Variants in MEGF11 observed in about 807,000 individuals in gnomAD.
MEGF11 encodes the protein multiple epidermal growth factor-like domains protein 11.
MEGF11 carries 126 observed loss-of-function variants against 146.6 expected under a neutral mutation model. That is an observed-to-expected ratio of 0.86 (90% CI 0.74 to 1.00). The LOEUF (loss-of-function observed/expected upper bound fraction) is 1.00, where lower values mean the gene tolerates loss of function less well. Among genes scored for constraint, MEGF11 ranks in the 50% least tolerant of loss-of-function variants. The pLI, the probability that MEGF11 is intolerant of heterozygous loss-of-function variation, is 0.00. For synonymous variants in MEGF11, 532 were observed against 583.4 expected (o/e 0.91, Z 1.27); for missense variants, 1,509 against 1,521.2 (o/e 0.99, Z 0.13).
At chr15:65,963,368 A>G (rs2080936828) in intron 9 of MEGF11, among the ~76,000 whole-genome samples, 1 of 151,244 alleles carries the variant, frequency 6.6e-6, no homozygotes, top group Non-Finnish European at 1.5e-5. Context: ...CCTGGGTCAC[A>G]GTTACTTGGG....
intron 5 of MEGF11, among the ~76,000 whole-genome samples, chr15:66,005,659 C>T (rs1045725556): frequency 1.2e-4 from 19 of 152,102 alleles, no homozygotes; most frequent in Admixed American, 8.5e-4. Context: ...GCAAGCATCA[C>T]GGACTTTCAG....
chr15:66,029,612 C>T (rs1335863916), intron 5 of MEGF11, among the ~76,000 whole-genome samples: 2 of 152,156 alleles, frequency 1.3e-5, no homozygotes, highest in East Asian at 1.9e-4. Context: ...TGGGGTCTTT[C>T]CCCTGAGGGG....
intron 13 of MEGF11, among the ~76,000 whole-genome samples, chr15:65,926,287 C>T (rs2079369709): frequency 6.6e-6 from 1 of 152,242 alleles, no homozygotes; most frequent in Non-Finnish European, 1.5e-5. Context: ...CAGACAACTC[C>T]TTTTCCTTAT....
At chr15:66,046,552 C>T (rs1403349194) in intron 5 of MEGF11, among the ~76,000 whole-genome samples, 1 of 152,244 alleles carries the variant, frequency 6.6e-6, no homozygotes, top group African/African-American at 2.4e-5. Flanking sequence ...TCTGCAGCTG[C>T]TGCAGGCTGA....
chr15:66,224,488 G>A (rs2091804476), intron 1 of MEGF11, among the ~76,000 whole-genome samples: 1 of 151,810 alleles, frequency 6.6e-6, no homozygotes, highest in African/African-American at 2.4e-5. Flanking sequence ...GGAGGCTGAG[G>A]CAAGAGAATC....
chr15:66,114,071 C>A (rs544688287), intron 4 of MEGF11, among the ~76,000 whole-genome samples: 14 of 152,154 alleles, frequency 9.2e-5, no homozygotes, highest in Non-Finnish European at 1.9e-4. Context: ...TCTGGTTCGG[C>A]AGCTCACGTT....
At chr15:66,124,103 G>T in intron 2 of MEGF11, 103 bp from the exon 3 acceptor site, 1 of 908,712 alleles carries the variant, frequency 1.1e-6, no homozygotes, top group Non-Finnish European at 1.8e-6. Flanking sequence ...AAGCTCCACA[G>T]CCAAGTGTCC....
chr15:65,962,932 T>C (rs553901523), intron 9 of MEGF11, among the ~76,000 whole-genome samples: 1 of 152,208 alleles, frequency 6.6e-6, no homozygotes, highest in African/African-American at 2.4e-5. Context: ...TAATCATCAA[T>C]ATTGGATGGG....
chr15:66,222,404 G>T (rs1597159962), intron 1 of MEGF11, among the ~76,000 whole-genome samples: 1 of 152,134 alleles, frequency 6.6e-6, no homozygotes, highest in African/African-American at 2.4e-5. Context: ...CTTCCTTGAC[G>T]CCTGGTCAGA....
intron 5 of MEGF11, among the ~76,000 whole-genome samples, chr15:65,997,088 G>A (rs1013283571): frequency 1.3e-5 from 2 of 152,222 alleles, no homozygotes; most frequent in Admixed American, 6.5e-5. Flanking sequence ...CCCCAGGCAG[G>A]GGAGGGACTT....
At chr15:66,066,935 G>T (rs757600359) in intron 5 of MEGF11, among the ~76,000 whole-genome samples, 11 of 152,200 alleles carry the variant, frequency 7.2e-5, no homozygotes, top group African/African-American at 2.7e-4. Flanking sequence ...ATTGATTCCA[G>T]TTCTCCTCCG....
At chr15:66,002,981 T>TTTTG (rs1555460239) in intron 5 of MEGF11, among the ~76,000 whole-genome samples, 1 of 150,320 alleles carries the variant, frequency 6.7e-6, no homozygotes, top group Non-Finnish European at 1.5e-5. Flanking sequence ...TGTTTCTTTC[T>TTTTG]TTTCTTTCTT....
At chr15:66,083,380 C>T (rs557733846) in intron 5 of MEGF11, among the ~76,000 whole-genome samples, 42 of 152,216 alleles carry the variant, frequency 2.8e-4, no homozygotes, top group Middle Eastern at 3.4e-3. Flanking sequence ...TTTGTAGCTT[C>T]GAGAGTCTCT....
Position 65,982,256 on chromosome 15 carries a change from G to T in MEGF11, c.627C>A (p.Gly209=). Residue 209 remains glycine (G), a synonymous_variant, in exon 6 of 26, where the codon GGC becomes GGA. Coordinates refer to ENST00000395614, the MANE Select transcript of MEGF11 (RefSeq NM_001385028.1). The surrounding 1 kb of genome is among the most constrained non-coding windows in gnomAD (Gnocchi z 5.6). The stretch of plus-strand genomic sequence containing the variant: ...GCATGACTCACTAGACGCCGGTGTA[G>T]CCAGGTGCGCAGAGGCACTCGCCGG... ...PRAGECLCAP[G]YTGVYCEELC... 1 of 1,537,408 alleles carries T rather than the reference G, an allele frequency of 6.5e-7. No individual in the cohort carries two copies.
intron 5 of MEGF11, among the ~76,000 whole-genome samples, chr15:66,090,133 T>C (rs1220063649): frequency 1.3e-5 from 2 of 152,106 alleles, no homozygotes; most frequent in African/African-American, 4.8e-5. Context: ...TATAAGTCAG[T>C]AAAAGAATGA....
intron 5 of MEGF11, among the ~76,000 whole-genome samples, chr15:66,079,529 T>C: frequency 8.5e-6 from 1 of 117,826 alleles, no homozygotes; most frequent in African/African-American, 3.1e-5. Context: ...CTGGGAACCT[T>C]CATTCACACC....
intron 5 of MEGF11, among the ~76,000 whole-genome samples, chr15:66,025,217 G>A (rs2083287115): frequency 1.3e-5 from 2 of 152,322 alleles, no homozygotes; most frequent in African/African-American, 4.8e-5. Flanking sequence ...AAGAGAAGGG[G>A]AAAACACACC....
At position 65,897,845 on chromosome 15, in the gene MEGF11, T is replaced by G; in HGVS notation, c.*89A>C. 1 of 1,278,166 alleles carries G rather than the reference T, an allele frequency of 7.8e-7. No individual in the cohort carries two copies. Among genetic ancestry groups the G allele is most frequent in the Non-Finnish European group, 1.1e-6 (1 of 915,516 alleles). 79.2% of individuals were successfully genotyped at this position (1,278,166 alleles called of 1,614,324 possible). On this transcript the variant is annotated 3_prime_UTR_variant, in exon 26 of 26. Coordinates refer to ENST00000395614, the MANE Select transcript of MEGF11 (RefSeq NM_001385028.1). ...ATAACTAACATGCAGCTGGAGCCAG[T>G]CTGTACCATTACTTCAAGTCAAGGG...
chr15:65,902,526 T>A (rs1011967884), intron 24 of MEGF11: 3 of 152,136 alleles, frequency 2.0e-5, no homozygotes, highest in African/African-American at 7.2e-5. Context: ...TCCAGCTGAG[T>A]CATCCACCTG....
Sources: allele counts gnomAD v4.1 joint callset (sites outside exome capture counted in the v4.1 genomes callset), GRCh38; gene constraint gnomAD v4.1.1; non-coding constraint Gnocchi (gnomAD v3.1); transcripts MANE v1.5; gene names NCBI Gene and HGNC (gene_info 2026-07-23, HGNC 2026-07-21).